SIGLECL1: variants seen among roughly 807,000 people sequenced by gnomAD.
The protein encoded by SIGLECL1 is SIGLEC family-like protein 1.
SIGLECL1 carries 16 observed loss-of-function variants against 19.1 expected under a neutral mutation model. The observed-to-expected ratio is 0.84, with a 90% CI of 0.57 to 1.27. The LOEUF (loss-of-function observed/expected upper bound fraction) is 1.27, where lower values mean the gene tolerates loss of function less well. SIGLECL1 is among the 50% of genes most tolerant of loss of function. SIGLECL1 has a pLI of 0.00. For synonymous variants in SIGLECL1, 89 were observed against 90.4 expected, an observed-to-expected ratio of 0.98 and a Z score of 0.09; for missense variants, 210 against 239.4, an observed-to-expected ratio of 0.88 and a Z score of 0.81.
At chr19:51,252,224 T>C (rs907919435) in intron 1 of SIGLECL1, among the ~76,000 whole-genome samples, 1 of 149,960 alleles carries the variant, frequency 6.7e-6, no homozygotes, top group Non-Finnish European at 1.5e-5. Flanking sequence ...TTGAACCCCG[T>C]AGGCAGAGGT....
chr19:51,256,664 T>A (rs542321865), intron 1 of SIGLECL1, among the ~76,000 whole-genome samples: 1 of 152,324 alleles, frequency 6.6e-6, no homozygotes, highest in South Asian at 2.1e-4. Context: ...ATATTAAGTG[T>A]TCTCACCACC....
At chr19:51,255,988 T>G (rs983367538) in intron 1 of SIGLECL1, 5 of 152,170 alleles carry the variant, frequency 3.3e-5, no homozygotes, top group Non-Finnish European at 5.9e-5. Flanking sequence ...TGCACTCCTG[T>G]GTTCATTGCA....
At chr19:51,257,527 A>G (rs1982896148) in intron 1 of SIGLECL1, among the ~76,000 whole-genome samples, 1 of 152,164 alleles carries the variant, frequency 6.6e-6, no homozygotes, top group Admixed American at 6.5e-5. Flanking sequence ...TTGACATTTT[A>G]TTCTGTGTAC....
chr19:51,260,587 G>A (rs1164783196), intron 1 of SIGLECL1, among the ~76,000 whole-genome samples: 3 of 152,090 alleles, frequency 2.0e-5, no homozygotes, highest in Non-Finnish European at 4.4e-5. Flanking sequence ...TTTCTATAAA[G>A]TATACATCTG....
At chr19:51,264,206 T>C (rs1049722387) in intron 2 of SIGLECL1, 112 bp downstream of exon 2, 5 of 1,199,868 alleles carry the variant, frequency 4.2e-6, no homozygotes, top group Non-Finnish European at 4.8e-6. Context: ...AGAGGACATA[T>C]GGGCATAAGT....
At chr19:51,251,869 A>T (rs1470451951) in intron 1 of SIGLECL1, among the ~76,000 whole-genome samples, 1 of 152,196 alleles carries the variant, frequency 6.6e-6, no homozygotes, top group South Asian at 2.1e-4. Context: ...ACACCTTTGC[A>T]TCACTCACAC....
Position 51,268,640 on chromosome 19 carries a change from G to A in SIGLECL1, c.*43G>A, listed in dbSNP as rs1338122774. Reference sequence around the variant, plus strand: ...CATACCTGGAGTCGCCATTATCCCTGGAATTACAAAGATCTGCAAAATTTA... The same window carrying A: ...CATACCTGGAGTCGCCATTATCCCTAGAATTACAAAGATCTGCAAAATTTA... On this transcript the variant is annotated 3_prime_UTR_variant, in exon 6 of 6. Coordinates refer to ENST00000601727, the MANE Select transcript of SIGLECL1 (RefSeq NM_001385465.1). 6.2e-7 allele frequency: 1 copy of A among 1,600,130 alleles called. No homozygotes were observed. The highest frequency in any genetic ancestry group is 8.5e-7 in the Non-Finnish European group (1 of 1,174,352).
At chr19:51,247,007 T>C (rs543236484), upstream of SIGLECL1, among the ~76,000 whole-genome samples, 11 of 152,348 alleles carry the variant, frequency 7.2e-5, no homozygotes, top group South Asian at 2.1e-3. Flanking sequence ...AGAAGGTATA[T>C]GAGCTCTGGA....
At chr19:51,265,284 A>G (rs1416502112) in intron 2 of SIGLECL1, 84 bp from the exon 3 acceptor site, 1 of 1,442,986 alleles carries the variant, frequency 6.9e-7, no homozygotes, top group Non-Finnish European at 9.4e-7. Flanking sequence ...TGTGAATAGC[A>G]AGTAAAGAGA....
intron 1 of SIGLECL1, among the ~76,000 whole-genome samples, chr19:51,258,580 G>A (rs372023543): frequency 9.8e-5 from 15 of 152,294 alleles, no homozygotes; most frequent in African/African-American, 3.1e-4. Context: ...TGGCTGAGGC[G>A]GATCCTGATG....
intron 4 of SIGLECL1, among the ~76,000 whole-genome samples, chr19:51,266,469 T>TA (rs1983675717): frequency 6.6e-6 from 1 of 151,404 alleles, no homozygotes; most frequent in African/African-American, 2.4e-5. Flanking sequence ...ACTTGGCTCC[T>TA]ATCCCCAAGA....
chr19:51,267,432 G>C lies in SIGLECL1; in HGVS notation c.470G>C (p.Ser157Thr). ...KKAAAIRAKK[S>T]SKVRASQELE... The stretch of plus-strand genomic sequence containing the variant: ...GCTGCAGCGATCAGAGCAAAAAAGA[G>C]CTCTAAAGTCAGAGCAAGCCAAGAA... The change falls in exon 5 of 6, where the codon AGC (serine) becomes ACC (threonine). Residue 157 changes from serine (S) to threonine (T), a missense_variant. Coordinates refer to ENST00000601727, the MANE Select transcript of SIGLECL1 (RefSeq NM_001385465.1). The C allele has an allele frequency of 6.2e-7, 1 of 1,614,102 alleles. No homozygotes were observed. Among genetic ancestry groups the C allele is most frequent in the African/African-American group, 1.3e-5 (1 of 75,040 alleles).
intron 1 of SIGLECL1, among the ~76,000 whole-genome samples, chr19:51,262,088 A>G (rs1983274348): frequency 6.6e-6 from 1 of 152,210 alleles, no homozygotes; most frequent in African/African-American, 2.4e-5. Flanking sequence ...CCAGCCCTGC[A>G]ACTTGCATTT....
intron 1 of SIGLECL1, among the ~76,000 whole-genome samples, chr19:51,254,234 T>G (rs187014414): frequency 6.6e-6 from 1 of 151,644 alleles, no homozygotes; most frequent in East Asian, 1.9e-4. Flanking sequence ...GAGACTGATG[T>G]GGGAGGACTA....
intron 1 of SIGLECL1, among the ~76,000 whole-genome samples, chr19:51,257,098 C>A (rs975449106): frequency 8.6e-5 from 13 of 151,990 alleles, no homozygotes; most frequent in African/African-American, 3.1e-4. Context: ...AGCATATACC[C>A]ACCACCAGCT....
At chr19:51,252,731 G>A (rs778498408) in intron 1 of SIGLECL1, among the ~76,000 whole-genome samples, 3 of 152,134 alleles carry the variant, frequency 2.0e-5, no homozygotes, top group Non-Finnish European at 2.9e-5. Context: ...AGGGTTGGGA[G>A]CACAGACCAC....
intron 1 of SIGLECL1, among the ~76,000 whole-genome samples, chr19:51,260,249 C>T (rs1983114953): frequency 6.6e-6 from 1 of 152,208 alleles, no homozygotes; most frequent in South Asian, 2.1e-4. Flanking sequence ...TTATGCTGGA[C>T]ATTTCTTGGC....
chr19:51,261,522 T>G (rs1983221486), intron 1 of SIGLECL1, among the ~76,000 whole-genome samples: 1 of 152,156 alleles, frequency 6.6e-6, no homozygotes, highest in Admixed American at 6.5e-5. Flanking sequence ...TCTCCTGACC[T>G]CGTGATCCGC....
chr19:51,247,564 G>A (rs1982306667), upstream of SIGLECL1, among the ~76,000 whole-genome samples: 1 of 152,010 alleles, frequency 6.6e-6, no homozygotes, highest in East Asian at 1.9e-4. Flanking sequence ...GACTACAGGT[G>A]CCTGCCACCA....
Sources: allele counts gnomAD v4.1 joint callset (sites outside exome capture counted in the v4.1 genomes callset), GRCh38; gene constraint gnomAD v4.1.1; transcripts MANE v1.5; gene names NCBI Gene and HGNC (gene_info 2026-07-23, HGNC 2026-07-21).